FSD2: variants seen among roughly 807,000 people sequenced by gnomAD.
FSD2 encodes the protein fibronectin type III and SPRY domain containing 2.
FSD2 carries 71 observed loss-of-function variants against 80.4 expected under a neutral mutation model. That is an observed-to-expected ratio of 0.88 (90% confidence interval 0.73 to 1.08). FSD2 has a LOEUF of 1.08. Among genes scored for constraint, FSD2 ranks in the 50% least tolerant of loss-of-function variants. The pLI, the probability that FSD2 is intolerant of heterozygous loss-of-function variation, is 0.00. For synonymous variants in FSD2, 361 were observed against 329.5 expected (o/e 1.10, Z -1.03); for missense variants, 923 against 913.8 (o/e 1.01, Z -0.13).
At chr15:82,789,908 G>A (rs1006917035) in intron 1 of FSD2, among the ~76,000 whole-genome samples, 19 of 152,256 alleles carry the variant, frequency 1.2e-4, no homozygotes, top group African/African-American at 4.3e-4. Flanking sequence ...CAAACAGAAG[G>A]CTGGGTGCCT....
chr15:82,762,471 T>C (rs1054752334), intron 11 of FSD2, among the ~76,000 whole-genome samples, 193 bp from the exon 12 acceptor site: 1 of 152,222 alleles, frequency 6.6e-6, no homozygotes, highest in Non-Finnish European at 1.5e-5. Flanking sequence ...TTTGAGATTA[T>C]GTTACTGCTT....
At chr15:82,779,153 A>G (rs1487259540) in intron 5 of FSD2, among the ~76,000 whole-genome samples, 5 of 152,130 alleles carry the variant, frequency 3.3e-5, no homozygotes, top group Admixed American at 3.3e-4. Flanking sequence ...GCGATCTGCC[A>G]ACAAGATCCA....
chr15:82,769,443 C>A (rs889315570), intron 8 of FSD2, among the ~76,000 whole-genome samples: 1 of 151,588 alleles, frequency 6.6e-6, no homozygotes. Flanking sequence ...GATGTGGTGG[C>A]AGACACCTGT....
chr15:82,779,738 C>A (rs12913102), intron 5 of FSD2, among the ~76,000 whole-genome samples: 1 of 151,466 alleles, frequency 6.6e-6, no homozygotes. Flanking sequence ...ATTATGAAAT[C>A]TCTATGTTCA....
In FSD2 at chr15:82,762,177, G is replaced by T. The variant is rs764848571; in HGVS notation, c.1922C>A (p.Ala641Glu). ...HLDYRVGVAF[A>E]DVRKQEDLGA... ...CAGATCCTCCTGTTTACGGACATCT[G>T]CAAAGGCCACACCAACTCTGTAGTC... is the stretch of plus-strand genomic sequence containing the variant. Residue 641 changes from alanine to glutamate, a missense_variant, in exon 12 of 13, where the codon GCA becomes GAA. Physicochemically the swap from Ala to Glu is moderately radical, Grantham distance 107. Transcript: ENST00000334574. The T allele has an allele frequency of 6.2e-7, 1 of 1,613,442 alleles. No individual in the cohort carries two copies. The highest frequency in any genetic ancestry group is 8.5e-7 in the Non-Finnish European group (1 of 1,179,702).
In FSD2 at chr15:82,778,767, T is replaced by G. The variant is rs1306888751; in HGVS notation, c.1110A>C (p.Pro370=). The G allele has an allele frequency of 6.2e-7, 1 of 1,608,628 alleles. No individual in the cohort carries two copies. Among genetic ancestry groups the G allele is most frequent in the Non-Finnish European group, 8.5e-7 (1 of 1,177,270 alleles). The part of the protein sequence containing the change: ...EQLMGSINTI[P]APSAPVINPQ... ...CGAAGTACACACACAGGTGAGCACC[T>G]GGAATGGTGTTAATGGAGCCCATCA... Residue 370 remains proline, a splice_region_variant and synonymous_variant, in exon 6 of 13, where the codon CCA becomes CCC. Transcript: ENST00000334574.
chr15:82,805,023 G>T (rs1321231781), intron 1 of FSD2, among the ~76,000 whole-genome samples: 1 of 151,998 alleles, frequency 6.6e-6, no homozygotes, highest in African/African-American at 2.4e-5. Flanking sequence ...GAATGTCTTT[G>T]CTGGATACCC....
chr15:82,792,655 T>A (rs553827969), intron 1 of FSD2, among the ~76,000 whole-genome samples: 25 of 152,344 alleles, frequency 1.6e-4, no homozygotes, highest in Admixed American at 1.2e-3. Context: ...TTTGTTGTTG[T>A]TGCTGCTTGT....
intron 1 of FSD2, among the ~76,000 whole-genome samples, chr15:82,800,319 C>T (rs2050379482): frequency 6.6e-6 from 1 of 152,180 alleles, no homozygotes; most frequent in African/African-American, 2.4e-5. Flanking sequence ...AGTTCTACAT[C>T]TGGCCCATTT....
At position 82,765,223 on chromosome 15, in the gene FSD2, C is replaced by T. The variant is rs757036146; in HGVS notation, c.1763G>A (p.Arg588Gln). 50 of 1,610,760 alleles carry T rather than the reference C, an allele frequency of 3.1e-5. No individual in the cohort carries two copies. Among genetic ancestry groups the T allele is most frequent in the Admixed American group, 2.4e-4 (14 of 59,454 alleles). ...TISEDGLTAV[R>Q]SERRTPAREL... ...CCTGGCGGGGGTTCTCCTTTCACTT[C>T]GTACAGCCGTAAGTCCGTCTTCAGA... The change falls in exon 11 of 13, where the codon CGA becomes CAA. Residue 588 changes from arginine (R) to glutamine (Q), a missense_variant. Arg to Gln is a conservative substitution (Grantham distance 43). Transcript: ENST00000334574.
intron 1 of FSD2, among the ~76,000 whole-genome samples, chr15:82,804,932 G>A (rs764866701): frequency 2.0e-5 from 3 of 152,142 alleles, no homozygotes; most frequent in Admixed American, 2.0e-4. Flanking sequence ...GGGGAGAAAG[G>A]AAAGTTGACA....
At chr15:82,763,222 T>G (rs2049331695) in intron 11 of FSD2, among the ~76,000 whole-genome samples, 1 of 152,102 alleles carries the variant, frequency 6.6e-6, no homozygotes, top group Non-Finnish European at 1.5e-5. Flanking sequence ...AAGTTTGGGG[T>G]GTAGTGGGGA....
chr15:82,786,385 A>G (rs11259947), intron 3 of FSD2, 126 bp downstream of exon 3: 322,878 of 703,434 alleles, frequency 0.46, 74,687 homozygotes, highest in Admixed American at 0.52. Context: ...GGAGGAGAGA[A>G]GGGGGAGTGG....
chr15:82,794,435 G>A (rs1031489612), intron 1 of FSD2, among the ~76,000 whole-genome samples: 9 of 152,084 alleles, frequency 5.9e-5, no homozygotes, highest in African/African-American at 2.2e-4. Flanking sequence ...TAGGCATTTG[G>A]GAAGAATGTG....
chr15:82,771,640 C>T (rs1192047627), intron 7 of FSD2, among the ~76,000 whole-genome samples: 1 of 152,358 alleles, frequency 6.6e-6, no homozygotes, highest in South Asian at 2.1e-4. Flanking sequence ...GGCCCCCTCA[C>T]CCCTCATGGG....
intron 10 of FSD2, 79 bp downstream of exon 10, chr15:82,765,819 A>T: frequency 6.7e-7 from 1 of 1,488,060 alleles, no homozygotes; most frequent in Non-Finnish European, 9.0e-7. Context: ...TCAATTTCCC[A>T]GTGAAGTCAT....
At chr15:82,760,704 C>T (rs1193059426) in intron 12 of FSD2, among the ~76,000 whole-genome samples, 2 of 150,038 alleles carry the variant, frequency 1.3e-5, no homozygotes, top group Non-Finnish European at 3.0e-5. Flanking sequence ...CCTTCATTCT[C>T]CACTTGTAAC....
rs1382693188 is a variant in FSD2 at position 82,758,447 on chromosome 15, G to A, written c.*901C>T. The A allele has an allele frequency of 6.5e-6, 1 of 152,962 alleles. No homozygotes were observed. The highest frequency in any genetic ancestry group is 1.5e-5 in the Non-Finnish European group (1 of 68,052). The allele number at this position is 152,962 out of a possible 1,614,324, so 9.5% of individuals were successfully genotyped here. ...CCGTGCTCAGCTTTGCCCTTTGGTG[G>A]GCTGTTAATTTCTTTTAAAAAATTG... is the stretch of plus-strand genomic sequence containing the variant. On this transcript the variant is annotated 3_prime_UTR_variant, in exon 13 of 13. Transcript: ENST00000334574.
chr15:82,796,093 C>A (rs530195624), intron 1 of FSD2, among the ~76,000 whole-genome samples: 2 of 147,776 alleles, frequency 1.4e-5, no homozygotes, highest in Non-Finnish European at 3.0e-5. Context: ...CCACCGCCTT[C>A]TGGTTTCAAG....
Sources: allele counts gnomAD v4.1 joint callset (sites outside exome capture counted in the v4.1 genomes callset), GRCh38; gene constraint gnomAD v4.1.1; transcripts MANE v1.5; gene names NCBI Gene and HGNC (gene_info 2026-07-23, HGNC 2026-07-21).